ROBO2: variants seen among roughly 807,000 people sequenced by gnomAD.
ROBO2 encodes roundabout homolog 2.
Under a neutral mutation model 160.8 loss-of-function variants are expected in ROBO2, and 53 were observed. The observed-to-expected ratio is 0.33, with a 90% CI of 0.26 to 0.41. The LOEUF (loss-of-function observed/expected upper bound fraction) is 0.41, where lower values mean the gene tolerates loss of function less well. Ranked by LOEUF, ROBO2 falls within the 10% of genes least tolerant of loss-of-function variation. ROBO2 has a pLI of 1.00. For synonymous variants in ROBO2, 664 were observed against 611.7 expected (o/e 1.09, Z -1.26); for missense variants, 1,577 against 1,722.4 (o/e 0.92, Z 1.49).
intron 2 of ROBO2, among the ~76,000 whole-genome samples, chr3:76,978,160 T>C (rs2059902694): frequency 6.6e-6 from 1 of 152,164 alleles, no homozygotes; most frequent in Non-Finnish European, 1.5e-5. Flanking sequence ...CAATTGAAAA[T>C]GCAAAGCTAA....
intron 2 of ROBO2, among the ~76,000 whole-genome samples, chr3:76,828,138 C>A (rs992028628): frequency 6.6e-5 from 10 of 152,052 alleles, no homozygotes; most frequent in Non-Finnish European, 1.0e-4. Flanking sequence ...TCTGGAGAGA[C>A]CTGAGTTCAT....
chr3:76,244,666 T>C (rs949561691), intron 2 of ROBO2, among the ~76,000 whole-genome samples: 5 of 152,104 alleles, frequency 3.3e-5, no homozygotes, highest in Non-Finnish European at 7.3e-5. Flanking sequence ...TTAGAAGAAG[T>C]ATTGGACTGG....
At chr3:76,997,684 C>G (rs182068396) in intron 2 of ROBO2, among the ~76,000 whole-genome samples, 1 of 152,298 alleles carries the variant, frequency 6.6e-6, no homozygotes, top group Admixed American at 6.5e-5. Flanking sequence ...AGTTGAGCTT[C>G]TGATGTCTCA....
At position 77,596,729 on chromosome 3, in the gene ROBO2, A is replaced by G. The variant is rs781213462; in HGVS notation, c.2833A>G (p.Ile945Val). ...TAATAGCAACAGTGGCCCAAATGAG[A>G]TTGGAAATTTTGGCCGTGGAGGTAA... is the stretch of plus-strand genomic sequence containing the variant. Residue 945 changes from isoleucine to valine, a missense_variant, in exon 19 of 26, where the codon ATT becomes GTT. Ile to Val is a conservative substitution (Grantham distance 29). Around this residue, in one of 2 missense-constraint regions of ROBO2, gnomAD observed 637 missense variants for 586.9 expected, o/e 1.09. Transcript: ENST00000461745. 5 of 1,613,184 alleles carry G rather than the reference A, an allele frequency of 3.1e-6. No homozygotes were observed. In the African/African-American group the frequency reaches 4.0e-5, roughly 13 times the overall value.
intron 2 of ROBO2, among the ~76,000 whole-genome samples, chr3:76,084,334 C>G (rs954230568): frequency 1.1e-4 from 16 of 152,086 alleles, no homozygotes; most frequent in Non-Finnish European, 2.4e-4. Context: ...TCCACAGCCA[C>G]CGGAGTCCTA....
Position 77,129,058 on chromosome 3 carries a change from T to C in ROBO2, c.388+30718T>C, listed in dbSNP as rs531326427. 1.6e-4 allele frequency among the ~76,000 whole-genome samples: 24 copies of C among 152,246 alleles called. No homozygotes were observed. The East Asian group carries it at 4.6e-3, about 29-fold the overall frequency. On this transcript the variant is annotated intron_variant, in intron 2 of 25. Transcript: ENST00000461745. ...TCTCTTTTTGTGAATTGCCTATTTATGTTTAAGTGTTTTCTCCTTTTGGAG... is the reference window on the plus strand; with the variant it reads ...TCTCTTTTTGTGAATTGCCTATTTACGTTTAAGTGTTTTCTCCTTTTGGAG...
chr3:77,225,233 T>G (rs2086333677), intron 2 of ROBO2, among the ~76,000 whole-genome samples: 1 of 151,950 alleles, frequency 6.6e-6, no homozygotes, highest in Non-Finnish European at 1.5e-5. Context: ...GTAGGCACTT[T>G]GTTTTTTAAG....
intron 2 of ROBO2, among the ~76,000 whole-genome samples, chr3:75,968,650 C>T (rs553682104): frequency 6.6e-6 from 1 of 151,616 alleles, no homozygotes; most frequent in East Asian, 2.0e-4. Flanking sequence ...ATATTATTAA[C>T]TATTGGTAAC....
At chr3:76,285,332 C>A (rs1708455769) in intron 2 of ROBO2, among the ~76,000 whole-genome samples, 1 of 152,038 alleles carries the variant, frequency 6.6e-6, no homozygotes, top group Non-Finnish European at 1.5e-5. Context: ...TGCATCAACT[C>A]AGTAACAATG....
intron 2 of ROBO2, among the ~76,000 whole-genome samples, chr3:76,352,009 A>C (rs2074906624): frequency 6.6e-6 from 1 of 152,070 alleles, no homozygotes; most frequent in African/African-American, 2.4e-5. Flanking sequence ...ATAATCAGAT[A>C]TAAGTTAGTT....
intron 2 of ROBO2, among the ~76,000 whole-genome samples, chr3:76,600,692 A>T (rs2087074912): frequency 1.3e-5 from 2 of 152,174 alleles, no homozygotes; most frequent in African/African-American, 2.4e-5. Context: ...GACACGTGGG[A>T]ATTGTGGGAG....
At chr3:77,043,841 T>C (rs1165338575) in intron 1 of ROBO2, among the ~76,000 whole-genome samples, 1 of 152,158 alleles carries the variant, frequency 6.6e-6, no homozygotes, top group Non-Finnish European at 1.5e-5. Context: ...TCTTTACCCT[T>C]TAACTATTCT....
chr3:76,487,585 T>C (rs1291841402), intron 2 of ROBO2, among the ~76,000 whole-genome samples: 1 of 152,168 alleles, frequency 6.6e-6, no homozygotes, highest in East Asian at 1.9e-4. Flanking sequence ...GTAGTCATAA[T>C]ACTTTCTCTC....
chr3:76,455,644 C>T (rs1008440345), intron 2 of ROBO2, among the ~76,000 whole-genome samples: 10 of 152,068 alleles, frequency 6.6e-5, no homozygotes, highest in South Asian at 2.1e-4. Flanking sequence ...TATGCATTAC[C>T]GTAATCCTAT....
At chr3:76,269,539 A>G (rs1707301332) in intron 2 of ROBO2, among the ~76,000 whole-genome samples, 1 of 151,812 alleles carries the variant, frequency 6.6e-6, no homozygotes, top group Non-Finnish European at 1.5e-5. Flanking sequence ...TCTCAGTTAC[A>G]CATACCTTTT....
chr3:77,439,735 T>C (rs1213464264), intron 2 of ROBO2, among the ~76,000 whole-genome samples: 1 of 152,146 alleles, frequency 6.6e-6, no homozygotes, highest in African/African-American at 2.4e-5. Flanking sequence ...CAACATTTCC[T>C]GTTTTTTCCT....
At chr3:76,066,327 C>T (rs1323301414) in intron 2 of ROBO2, among the ~76,000 whole-genome samples, 1 of 151,898 alleles carries the variant, frequency 6.6e-6, no homozygotes, top group East Asian at 1.9e-4. Flanking sequence ...TAGTCTTACA[C>T]CAATTTATAA....
chr3:77,610,498 A>G (rs189557944), intron 21 of ROBO2, among the ~76,000 whole-genome samples: 177 of 152,210 alleles, frequency 1.2e-3, no homozygotes, highest in African/African-American at 4.2e-3. Context: ...AGCCAGGGGA[A>G]AGCTTGTAGA....
rs554758774 is a variant in ROBO2 at position 76,874,688 on chromosome 3, T to C, written c.110-223326T>C. Among the ~76,000 whole-genome samples the C allele has an allele frequency of 3.9e-4, 58 of 150,302 alleles. 1 individual carries two copies. The South Asian group carries it at 0.011, about 29-fold the overall frequency. On this transcript the variant is annotated intron_variant, in intron 2 of 26. Transcript: ENST00000487694. ...AAGCAACTAACATTAAATTAAAATA[T>C]AGACAGAAGATAAAATGGAAAACTT...
Sources: allele counts gnomAD v4.1 joint callset (sites outside exome capture counted in the v4.1 genomes callset), GRCh38; gene constraint gnomAD v4.1.1; regional missense constraint gnomAD v4.1.1; transcripts MANE v1.5; gene names NCBI Gene and HGNC (gene_info 2026-07-23, HGNC 2026-07-21).